NPSR1: variants seen among roughly 807,000 people sequenced by gnomAD.
NPSR1 encodes the protein neuropeptide S receptor 1.
NPSR1 carries 48 observed loss-of-function variants against 46.9 expected under a neutral mutation model. The observed-to-expected ratio is 1.02, with a 90% confidence interval of 0.81 to 1.30. The LOEUF (loss-of-function observed/expected upper bound fraction) is 1.30. NPSR1 is among the 50% of genes most tolerant of loss of function. NPSR1 has a pLI of 0.00. For synonymous variants in NPSR1, 176 were observed against 168.1 expected (o/e 1.05, Z -0.36); for missense variants, 450 against 449.5 (o/e 1.00, Z -0.01).
intron 8 of NPSR1, among the ~76,000 whole-genome samples, chr7:34,862,225 G>C (rs1791206353): frequency 6.6e-6 from 1 of 151,682 alleles, no homozygotes; most frequent in Non-Finnish European, 1.5e-5. Flanking sequence ...GTAATTGCGG[G>C]AGTGGGAGTT....
chr7:34,705,434 CAAAAAA>C, intron 2 of NPSR1, among the ~76,000 whole-genome samples: 1 of 111,610 alleles, frequency 9.0e-6, no homozygotes, highest in East Asian at 2.5e-4. Flanking sequence ...GACTCCATAT[CAAAAAA>C]AAAAAAAAAA....
chr7:34,714,734 A>G (rs1440215820), intron 2 of NPSR1, among the ~76,000 whole-genome samples: 2 of 152,222 alleles, frequency 1.3e-5, no homozygotes, highest in African/African-American at 4.8e-5. Flanking sequence ...GACCTGCCTC[A>G]GGAGTGAAGC....
At chr7:34,683,100 C>T (rs1031371232) in intron 1 of NPSR1, among the ~76,000 whole-genome samples, 1 of 151,668 alleles carries the variant, frequency 6.6e-6, no homozygotes, top group Non-Finnish European at 1.5e-5. Flanking sequence ...GGATGGAGAG[C>T]CTAAATATCA....
At chr7:34,699,746 G>C (rs572972838) in intron 2 of NPSR1, among the ~76,000 whole-genome samples, 1 of 152,170 alleles carries the variant, frequency 6.6e-6, no homozygotes, top group Non-Finnish European at 1.5e-5. Flanking sequence ...TATTTCCACA[G>C]AGGTCATATG....
intron 1 of NPSR1, among the ~76,000 whole-genome samples, chr7:34,676,695 G>A (rs746576684): frequency 2.6e-5 from 4 of 152,140 alleles, no homozygotes; most frequent in East Asian, 1.9e-4. Flanking sequence ...TAGCACCAAC[G>A]CCTTACACTG....
intron 4 of NPSR1, among the ~76,000 whole-genome samples, chr7:34,822,109 C>A (rs901104659): frequency 2.0e-5 from 3 of 152,134 alleles, no homozygotes; most frequent in African/African-American, 7.2e-5. Context: ...AACTCCCTGG[C>A]CTTGTAGAGG....
chr7:34,778,203 G>A (rs150233348), intron 2 of NPSR1, among the ~76,000 whole-genome samples: 38 of 152,224 alleles, frequency 2.5e-4, no homozygotes, highest in African/African-American at 8.4e-4. Context: ...TCAACTCTAT[G>A]ATTAGCATGA....
intron 5 of NPSR1, among the ~76,000 whole-genome samples, chr7:34,830,600 T>C (rs1457591887): frequency 2.0e-5 from 3 of 152,258 alleles, no homozygotes; most frequent in Non-Finnish European, 4.4e-5. Flanking sequence ...TTGCATATGT[T>C]GCAAATATTT....
At chr7:34,775,666 T>C (rs1039059739) in intron 2 of NPSR1, among the ~76,000 whole-genome samples, 6 of 152,134 alleles carry the variant, frequency 3.9e-5, no homozygotes, top group African/African-American at 1.4e-4. Flanking sequence ...TTGCATGACA[T>C]TTCAAAAATC....
rs541001847 is a variant in NPSR1 at position 34,683,146 on chromosome 7, A to T, written c.148-1406A>T. 2.8e-4 allele frequency among the ~76,000 whole-genome samples: 42 copies of T among 152,242 alleles called. 1 individual carries two copies. Among genetic ancestry groups the T allele is most frequent in the African/African-American group, 1.0e-3 (42 of 41,534 alleles). ...GTGTAGGACTCATGAAGATGCTCAT[A>T]AAAAATTTCTTAGAAGGCCAGGTGC... On this transcript the variant is annotated intron_variant, in intron 1 of 8. Coordinates refer to ENST00000360581, the MANE Select transcript of NPSR1 (RefSeq NM_207172.2).
intron 5 of NPSR1, among the ~76,000 whole-genome samples, chr7:34,829,615 C>T (rs76292618): frequency 0.015 from 2,350 of 152,254 alleles, 60 homozygotes; most frequent in African/African-American, 0.053. Context: ...CAGTCAAAGT[C>T]CCCGCTCAGC....
chr7:34,838,253 G>C (rs1412580425), intron 6 of NPSR1, among the ~76,000 whole-genome samples: 1 of 152,116 alleles, frequency 6.6e-6, no homozygotes, highest in Non-Finnish European at 1.5e-5. Context: ...ACTGTACAAA[G>C]CCACTTGGAG....
intron 2 of NPSR1, among the ~76,000 whole-genome samples, chr7:34,730,720 A>G (rs1433589255): frequency 6.6e-6 from 1 of 152,084 alleles, no homozygotes; most frequent in Non-Finnish European, 1.5e-5. Flanking sequence ...CTCCCTCTTC[A>G]TTTTTTATTA....
chr7:34,759,223 C>A (rs1332641979), intron 2 of NPSR1, among the ~76,000 whole-genome samples: 1 of 152,134 alleles, frequency 6.6e-6, no homozygotes, highest in Non-Finnish European at 1.5e-5. Flanking sequence ...AACTTTCACT[C>A]ACAGCACTTA....
intron 8 of NPSR1, among the ~76,000 whole-genome samples, chr7:34,855,118 A>C (rs1310481753): frequency 6.6e-6 from 1 of 152,216 alleles, no homozygotes; most frequent in African/African-American, 2.4e-5. Flanking sequence ...TATTAAATGT[A>C]TAGGATACAA....
intron 5 of NPSR1, among the ~76,000 whole-genome samples, chr7:34,829,215 C>A (rs760210982): frequency 1.2e-3 from 182 of 152,322 alleles, no homozygotes; most frequent in Non-Finnish European, 2.1e-3. Context: ...CCCCCGCCCC[C>A]TCATCAGAGA....
At chr7:34,722,880 T>A (rs1284353062) in intron 2 of NPSR1, among the ~76,000 whole-genome samples, 1 of 152,100 alleles carries the variant, frequency 6.6e-6, no homozygotes, top group African/African-American at 2.4e-5. Flanking sequence ...AAATCATGCC[T>A]CCTTTGAGCT....
At chr7:34,755,285 A>G (rs1038206618) in intron 2 of NPSR1, among the ~76,000 whole-genome samples, 4 of 152,226 alleles carry the variant, frequency 2.6e-5, no homozygotes, top group Admixed American at 6.5e-5. Flanking sequence ...GTTCATTACA[A>G]ATACATGAAA....
chr7:34,863,915 C>T (rs1372055038), intron 8 of NPSR1, among the ~76,000 whole-genome samples: 2 of 151,754 alleles, frequency 1.3e-5, no homozygotes, highest in Non-Finnish European at 2.9e-5. Flanking sequence ...ACTATAAAAA[C>T]ACATGCACAC....
Sources: gnomAD v4.1 joint callset for allele counts (sites outside exome capture counted in the v4.1 genomes callset) on GRCh38, gnomAD v4.1.1 for gene constraint, MANE v1.5 for transcripts, NCBI Gene and HGNC (gene_info 2026-07-23, HGNC 2026-07-21) for gene names.